IL13RA2: variants seen among roughly 807,000 people sequenced by gnomAD.
The protein encoded by IL13RA2 is interleukin 13 receptor subunit alpha 2.
A neutral mutation model predicts 34.1 loss-of-function variants in IL13RA2; 25 were observed. That is an observed-to-expected ratio of 0.73 (90% CI 0.53 to 1.03). IL13RA2 has a LOEUF of 1.03. IL13RA2 is among the 50% of genes least tolerant of loss of function. IL13RA2 has a pLI of 0.00. For missense variants in IL13RA2, 297 were observed against 280.9 expected, an observed-to-expected ratio of 1.06 and a Z score of -0.41; for synonymous variants, 106 against 100.4, an observed-to-expected ratio of 1.06 and a Z score of -0.33.
chrX:115,005,771 G>T (rs1446250110), intron 8 of IL13RA2, among the ~76,000 whole-genome samples: 1 of 112,044 alleles, frequency 8.9e-6, no homozygotes, highest in Non-Finnish European at 1.9e-5. Flanking sequence ...GTGAGTAATG[G>T]AAATCATCTT....
At position 115,009,751 on chromosome X, in the gene IL13RA2, A is replaced by T. The variant is rs782099323; in HGVS notation, c.707-85T>A. 2.7e-4 allele frequency: 222 copies of T among 825,801 alleles called. 1 individual carries two copies. The highest frequency in any genetic ancestry group is 3.1e-4 in the Non-Finnish European group (172 of 561,312). 68.1% of individuals were successfully genotyped at this position (825,801 alleles called of 1,213,427 possible). ...TATCCAAAGCTAGGGACATCTGGTA[A>T]CAGAAACCTCCAGGGATAAACCAAG... On this transcript the variant is annotated intron_variant, in intron 6 of 9. Transcript: ENST00000243213.
Position 115,015,527 on chromosome X carries a change from T to TAGGAGAC in IL13RA2, c.246+136_246+142dup, listed in dbSNP as rs1464657037. 14 of 497,100 alleles carry TAGGAGAC rather than the reference T, an allele frequency of 2.8e-5. No homozygotes were observed. The East Asian group carries it at 5.0e-4, about 18-fold the overall frequency. The allele number at this position is 497,100 out of a possible 1,213,427, so 41.0% of individuals were successfully genotyped here. On this transcript the variant is annotated intron_variant, in intron 3 of 9. Transcript: ENST00000243213. ...GTGAAAACAGATATAGCAGGATGCA[T>TAGGAGAC]AGGAGACAGAAGCGGGTGTGGAAGC...
intron 5 of IL13RA2, among the ~76,000 whole-genome samples, 194 bp from the exon 6 acceptor site, chrX:115,011,022 T>C (rs1556508706): frequency 9.0e-6 from 1 of 111,667 alleles, no homozygotes; most frequent in East Asian, 2.8e-4. Flanking sequence ...AAAGCAGACA[T>C]AGTCCCCGAT....
chrX:115,011,623 A>G (rs957306226), intron 5 of IL13RA2, among the ~76,000 whole-genome samples: 19 of 112,084 alleles, frequency 1.7e-4, no homozygotes, highest in African/African-American at 5.5e-4. Context: ...GCCTGTACAC[A>G]TATCTGGACT....
At chrX:115,010,223 A>G (rs181035403) in intron 6 of IL13RA2, among the ~76,000 whole-genome samples, 37 of 111,314 alleles carry the variant, frequency 3.3e-4, no homozygotes, top group African/African-American at 1.2e-3. Context: ...CAGACTCTAG[A>G]ACCCATCACT....
intron 5 of IL13RA2, among the ~76,000 whole-genome samples, chrX:115,012,490 C>A (rs1253099668): frequency 8.9e-6 from 1 of 112,029 alleles, no homozygotes; most frequent in Non-Finnish European, 1.9e-5. Flanking sequence ...CAAGGCCAGG[C>A]GCAGTGGCTC....
intron 1 of IL13RA2, 72 bp from the exon 2 acceptor site, chrX:115,017,374 C>T: frequency 4.0e-6 from 2 of 504,325 alleles, no homozygotes; most frequent in South Asian, 5.8e-5. Context: ...ATTAAAAATA[C>T]TTTGGAAAGC....
rs2071680865 is a variant in IL13RA2 at position 115,005,276 on chromosome X, A to G, written c.1037T>C (p.Leu346Pro). ...TAATATTAAGATGAAACCAAATGGTAGCCAGAAACGTAGCAAAGTTTTCTT... is the reference window on the plus strand; with the variant it reads ...TAATATTAAGATGAAACCAAATGGTGGCCAGAAACGTAGCAAAGTTTTCTT... ...LSKKTLLRFW[L>P]PFGFILILVI... Residue 346 changes from leucine to proline, a missense_variant, in exon 9 of 10, where the codon CTA (leucine) becomes CCA (proline). Physicochemically the swap from Leu to Pro is moderately conservative, Grantham distance 98. Coordinates refer to ENST00000243213, the MANE Select transcript of IL13RA2 (RefSeq NM_000640.3). 8.8e-7 allele frequency: 1 copy of G among 1,133,200 alleles called. No homozygotes were observed. The highest frequency in any genetic ancestry group is 3.0e-5 in the East Asian group (1 of 33,534). The allele number at this position is 1,133,200 out of a possible 1,213,427, so 93.4% of individuals were successfully genotyped here.
chrX:115,004,143 T>C, intron 9 of IL13RA2, 37 bp from the exon 10 acceptor site: 1 of 738,882 alleles, frequency 1.4e-6, no homozygotes, highest in Non-Finnish European at 2.1e-6. Context: ...TCATCTCTAA[T>C]AACACAAACT....
At chrX:115,013,934 A>C (rs782090382) in intron 4 of IL13RA2, 45 bp from the exon 5 acceptor site, 1 of 895,508 alleles carries the variant, frequency 1.1e-6, no homozygotes, top group Non-Finnish European at 1.6e-6. Context: ...CTTGGTGATG[A>C]ATCATTTGTG....
Position 115,017,298 on chromosome X carries a change from C to T in IL13RA2, c.-29G>A, listed in dbSNP as rs1219778172. 1 of 632,561 alleles carries T rather than the reference C, an allele frequency of 1.6e-6. No individual in the cohort carries two copies. The highest frequency in any genetic ancestry group is 2.7e-6 in the Non-Finnish European group (1 of 373,562). 52.1% of individuals were successfully genotyped at this position (632,561 alleles called of 1,213,427 possible). ...TCCGAGATTTAAAACCTTGATATTG[C>T]CTCTCTATGAAGGAAAAATATAACA... On this transcript the variant is annotated 5_prime_UTR_variant, in exon 2 of 10. Coordinates refer to ENST00000243213, the MANE Select transcript of IL13RA2 (RefSeq NM_000640.3).
Position 115,004,084 on chromosome X carries a change from G to A in IL13RA2, c.1139C>T (p.Thr380Ile). ...GTCTCTTGATATGGAAAGTCTTCAT[G>A]TATCACAGAAAAATTCTGGAATCTA... ...PKMIPEFFCD[T>I] The change falls in exon 10 of 10, where the codon ACA becomes ATA. Residue 380 changes from threonine to isoleucine, a missense_variant. Physicochemically the swap from Thr to Ile is moderately conservative, Grantham distance 89. Coordinates refer to ENST00000243213, the MANE Select transcript of IL13RA2 (RefSeq NM_000640.3). 1.9e-6 allele frequency: 2 copies of A among 1,061,749 alleles called. No individual in the cohort carries two copies. Among genetic ancestry groups the A allele is most frequent in the Non-Finnish European group, 2.6e-6 (2 of 762,707 alleles). The allele number at this position is 1,061,749 out of a possible 1,213,427, so 87.5% of individuals were successfully genotyped here. A position where few individuals can be genotyped will look rare whatever the true frequency, so the allele number is the denominator to read the frequency against.
chrX:115,010,886 G>A (rs2071703557), intron 5 of IL13RA2, 58 bp from the exon 6 acceptor site: 1 of 528,016 alleles, frequency 1.9e-6, no homozygotes. Context: ...CAGTATCAAG[G>A]CACTTCATTT....
At chrX:115,014,962 C>G (rs782243164) in intron 3 of IL13RA2, among the ~76,000 whole-genome samples, 48 of 111,520 alleles carry the variant, frequency 4.3e-4, no homozygotes, top group Non-Finnish European at 7.7e-4. Context: ...AATACATAAA[C>G]TAAAACCCTG....
rs1346820490 is a variant in IL13RA2 at position 115,012,790 on chromosome X, AAAGT to A, written c.521+975_521+978del. On this transcript the variant is annotated intron_variant, in intron 5 of 9. Coordinates refer to ENST00000243213, the MANE Select transcript of IL13RA2 (RefSeq NM_000640.3). ...CAAACAAACAAACAAAAAAAAAAAC[AAAGT>A]AATAGCTCAAGAAAAACAAAACAGA... Among the ~76,000 whole-genome samples, 5 of 110,047 alleles carry A rather than the reference AAAGT, an allele frequency of 4.5e-5. No individual in the cohort carries two copies. In the Admixed American group the frequency reaches 4.8e-4, roughly 11 times the overall value.
intron 7 of IL13RA2, among the ~76,000 whole-genome samples, chrX:115,009,256 C>T (rs1164774882): frequency 9.1e-6 from 1 of 109,571 alleles, no homozygotes; most frequent in African/African-American, 3.3e-5. Flanking sequence ...CTCCACAATC[C>T]ATCTTAAGCC....
At position 115,010,765 on chromosome X, in the gene IL13RA2, T is replaced by C. The variant is rs2071702942; in HGVS notation, c.585A>G (p.Ile195Met). The C allele has an allele frequency of 1.8e-6, 2 of 1,127,194 alleles. No individual in the cohort carries two copies. The highest frequency in any genetic ancestry group is 2.4e-6 in the Non-Finnish European group (2 of 826,176). The allele number at this position is 1,127,194 out of a possible 1,213,427, so 92.9% of individuals were successfully genotyped here. A position where few individuals can be genotyped will look rare whatever the true frequency, so the allele number is the denominator to read the frequency against. The change falls in exon 6 of 10, where the codon ATA becomes ATG. Residue 195 changes from isoleucine (I) to methionine (M), a missense_variant. Transcript: ENST00000243213. ...VDYIKADGQN[I>M]GCRFPYLEAS... ...CCTCCAAATAGGGAAATCTGCATCCTATATTTTGTCCATCAGCCTTGATGT... is the reference window on the plus strand; with the variant it reads ...CCTCCAAATAGGGAAATCTGCATCCCATATTTTGTCCATCAGCCTTGATGT...
At chrX:115,014,925 T>C (rs146374811) in intron 3 of IL13RA2, among the ~76,000 whole-genome samples, 409 of 112,037 alleles carry the variant, frequency 3.7e-3, no homozygotes, top group African/African-American at 0.013. Context: ...ATGCCACATT[T>C]CAAAATATAA....
intron 2 of IL13RA2, among the ~76,000 whole-genome samples, 172 bp from the exon 3 acceptor site, chrX:115,015,993 C>T (rs994437676): frequency 3.5e-4 from 39 of 111,957 alleles, no homozygotes; most frequent in Non-Finnish European, 6.6e-4. Context: ...CTGATTCATG[C>T]TACAACATGG....
Sources: gnomAD v4.1 joint callset for allele counts (sites outside exome capture counted in the v4.1 genomes callset) on GRCh38, gnomAD v4.1.1 for gene constraint, MANE v1.5 for transcripts, NCBI Gene and HGNC (gene_info 2026-07-23, HGNC 2026-07-21) for gene names.